The following DNAH11 variants were observed in gnomAD, a reference collection of about 807,000 sequenced individuals.
DNAH11 encodes axonemal beta dynein heavy chain 11.
Under a neutral mutation model 526.0 loss-of-function variants are expected in DNAH11, and 442 were observed. The observed-to-expected ratio is 0.84, with a 90% CI of 0.78 to 0.91. The LOEUF (loss-of-function observed/expected upper bound fraction) is 0.91, where lower values mean the gene tolerates loss of function less well. Ranked by LOEUF, DNAH11 falls within the 40% of genes least tolerant of loss-of-function variation. The pLI is 0.00. For synonymous variants in DNAH11, 2,461 were observed against 1,935.9 expected, an observed-to-expected ratio of 1.27 and a Z score of -7.12; for missense variants, 6,989 against 5,448.7, an observed-to-expected ratio of 1.28 and a Z score of -8.90.
intron 75 of DNAH11, among the ~76,000 whole-genome samples, chr7:21,882,531 C>G (rs146768880): frequency 2.0e-5 from 3 of 152,184 alleles, no homozygotes; most frequent in Non-Finnish European, 4.4e-5. Flanking sequence ...CGTGATGGCT[C>G]ATGCCTATAA....
chr7:21,757,334 T>A (rs1164687344), intron 54 of DNAH11, among the ~76,000 whole-genome samples: 1 of 152,258 alleles, frequency 6.6e-6, no homozygotes, highest in Non-Finnish European at 1.5e-5. Flanking sequence ...GAGTATGGGA[T>A]GAAATGTTGG....
chr7:21,750,359 C>T lies in DNAH11; in HGVS notation c.8935C>T (p.Leu2979Phe). Residue 2979 changes from leucine (L) to phenylalanine (F), a missense_variant, in exon 54 of 82, where the codon CTC (leucine) becomes TTC (phenylalanine). Leu to Phe is a conservative substitution (Grantham distance 22, BLOSUM62 0). Transcript: ENST00000409508. ...CTTTATGGCCAGGGTGCGACTACAGCTCAAAGTAAGAAATACTTGCTTAAT... is the reference window on the plus strand; with the variant it reads ...CTTTATGGCCAGGGTGCGACTACAGTTCAAAGTAAGAAATACTTGCTTAAT... ...KFFMARVRLQ[L>F]KIILCFSPVG... 6.2e-7 allele frequency: 1 copy of T among 1,601,178 alleles called. No homozygotes were observed. The highest frequency in any genetic ancestry group is 8.5e-7 in the Non-Finnish European group (1 of 1,173,700).
chr7:21,630,586 A>G (rs910567721), intron 25 of DNAH11, among the ~76,000 whole-genome samples: 1 of 152,226 alleles, frequency 6.6e-6, no homozygotes, highest in Non-Finnish European at 1.5e-5. Context: ...TTTGCTGGAC[A>G]CAGTATTCTT....
In DNAH11 at chr7:21,690,767, T is replaced by A. The variant is rs748243871; in HGVS notation, c.5927T>A (p.Phe1976Tyr). 1 of 1,601,074 alleles carries A rather than the reference T, an allele frequency of 6.2e-7. No individual in the cohort carries two copies. Among genetic ancestry groups the A allele is most frequent in the South Asian group, 1.1e-5 (1 of 89,262 alleles). The stretch of plus-strand genomic sequence containing the variant: ...CATCAACATTCTTTTTATGGTAGAT[T>A]TGTATTTCTTGGGGAAGCTATCACA... ...HDAIRNRKKR[F>Y]VFLGEAITLK... Residue 1976 changes from phenylalanine (F) to tyrosine (Y), a missense_variant and splice_region_variant, in exon 35 of 82, where the codon TTT becomes TAT. Transcript: ENST00000409508.
intron 30 of DNAH11, among the ~76,000 whole-genome samples, chr7:21,666,393 G>A (rs1782422019): frequency 6.6e-6 from 1 of 152,040 alleles, no homozygotes; most frequent in Non-Finnish European, 1.5e-5. Context: ...TTATTATTGA[G>A]CTGTGTGAAA....
intron 45 of DNAH11, among the ~76,000 whole-genome samples, 163 bp downstream of exon 45, chr7:21,726,147 CT>C (rs1314278383): frequency 6.6e-6 from 1 of 152,128 alleles, no homozygotes; most frequent in Non-Finnish European, 1.5e-5. Context: ...CTGGGAAGGC[CT>C]CAGAAAATCA....
At chr7:21,657,853 C>T (rs1782083094) in intron 29 of DNAH11, among the ~76,000 whole-genome samples, 1 of 152,106 alleles carries the variant, frequency 6.6e-6, no homozygotes, top group Non-Finnish European at 1.5e-5. Flanking sequence ...GGAGGTTGTC[C>T]ACTCATTAAC....
At chr7:21,878,685 A>T (rs1399891660) in intron 74 of DNAH11, among the ~76,000 whole-genome samples, 16 of 152,148 alleles carry the variant, frequency 1.1e-4, no homozygotes, top group Non-Finnish European at 1.9e-4. Flanking sequence ...CCAATTCTAG[A>T]ACCGTATTTG....
intron 56 of DNAH11, among the ~76,000 whole-genome samples, chr7:21,775,486 C>T (rs535064674): frequency 6.6e-6 from 1 of 152,006 alleles, no homozygotes; most frequent in African/African-American, 2.4e-5. Context: ...AGCATGGTGG[C>T]GCACACCTGT....
intron 39 of DNAH11, 122 bp from the exon 40 acceptor site, chr7:21,707,577 C>A: frequency 8.0e-7 from 1 of 1,246,120 alleles, no homozygotes; most frequent in Non-Finnish European, 1.1e-6. Flanking sequence ...CCTTCTCGAT[C>A]TTAGCACACA....
intron 58 of DNAH11, among the ~76,000 whole-genome samples, chr7:21,785,996 T>C (rs1366351713): frequency 6.6e-6 from 1 of 152,220 alleles, no homozygotes; most frequent in Non-Finnish European, 1.5e-5. Flanking sequence ...TATGTGCTAT[T>C]ACCTGCCTCA....
chr7:21,794,101 T>G (rs1351854102), intron 61 of DNAH11, among the ~76,000 whole-genome samples: 1 of 152,240 alleles, frequency 6.6e-6, no homozygotes, highest in African/African-American at 2.4e-5. Flanking sequence ...CCAGGATTTT[T>G]AAAAAATTAT....
chr7:21,695,026 C>T (rs1283044743), intron 35 of DNAH11, among the ~76,000 whole-genome samples: 1 of 152,092 alleles, frequency 6.6e-6, no homozygotes, highest in African/African-American at 2.4e-5. Flanking sequence ...CCTAGGAATA[C>T]AACTTATAAG....
intron 54 of DNAH11, among the ~76,000 whole-genome samples, chr7:21,757,841 G>A (rs994420436): frequency 2.6e-5 from 4 of 152,142 alleles, no homozygotes; most frequent in South Asian, 2.1e-4. Flanking sequence ...TAGTGGTAAC[G>A]CAAGTAATTT....
intron 35 of DNAH11, among the ~76,000 whole-genome samples, chr7:21,697,523 G>A (rs936670510): frequency 2.6e-5 from 4 of 152,066 alleles, no homozygotes; most frequent in South Asian, 2.1e-4. Flanking sequence ...CCCCAAACTG[G>A]TCACTTTATA....
chr7:21,861,738 T>C, intron 68 of DNAH11, 115 bp from the exon 69 acceptor site: 3 of 1,059,732 alleles, frequency 2.8e-6, no homozygotes, highest in Non-Finnish European at 4.0e-6. Flanking sequence ...CCTAAAAATT[T>C]TGCCTCATTC....
chr7:21,560,054 G>A (rs1583481085), intron 4 of DNAH11, among the ~76,000 whole-genome samples: 2 of 152,168 alleles, frequency 1.3e-5, no homozygotes, highest in Non-Finnish European at 2.9e-5. Context: ...ACCCAGGGAA[G>A]CGTTGAAGAC....
intron 75 of DNAH11, among the ~76,000 whole-genome samples, chr7:21,881,514 T>C (rs1783924425): frequency 6.6e-6 from 1 of 152,220 alleles, no homozygotes; most frequent in South Asian, 2.1e-4. Flanking sequence ...TAAGTTCTCA[T>C]AAACCCAATG....
intron 3 of DNAH11, among the ~76,000 whole-genome samples, 178 bp from the exon 4 acceptor site, chr7:21,559,423 GAT>G (rs1200902636): frequency 6.6e-6 from 1 of 152,068 alleles, no homozygotes; most frequent in African/African-American, 2.4e-5. Flanking sequence ...TGAGGTTAGA[GAT>G]ATGTCACTGA....
Sources: allele counts gnomAD v4.1 joint callset (sites outside exome capture counted in the v4.1 genomes callset), GRCh38; gene constraint gnomAD v4.1.1; transcripts MANE v1.5; gene names NCBI Gene and HGNC (gene_info 2026-07-23, HGNC 2026-07-21).